The following CDH22 variants were observed in gnomAD, a reference collection of about 807,000 sequenced individuals.
CDH22 encodes cadherin-22.
CDH22 carries 30 observed loss-of-function variants against 58.4 expected under a neutral mutation model. The ratio of observed to expected loss-of-function variants is 0.51; its 90% CI spans 0.38 to 0.70. CDH22 has a LOEUF of 0.70. Ranked by LOEUF, CDH22 falls within the 30% of genes least tolerant of loss-of-function variation. CDH22 has a pLI of 0.00. For synonymous variants in CDH22, 513 were observed against 558.2 expected, an observed-to-expected ratio of 0.92 and a Z score of 1.14; for missense variants, 1,014 against 1,233.9, an observed-to-expected ratio of 0.82 and a Z score of 2.67.
At chr20:46,220,631 C>G (rs1416872236) in intron 4 of CDH22, 1 of 152,396 alleles carries the variant, frequency 6.6e-6, no homozygotes, top group Non-Finnish European at 1.5e-5. Flanking sequence ...AGTGTCCCAG[C>G]TCTGAGTGGG....
chr20:46,240,974 A>G lies in CDH22; in HGVS notation c.539T>C (p.Leu180Pro), dbSNP rs2086285298. The G allele has an allele frequency of 6.2e-7, 1 of 1,611,626 alleles. No individual in the cohort carries two copies. Among genetic ancestry groups the G allele is most frequent in the African/African-American group, 1.3e-5 (1 of 74,840 alleles). ...HGPYIGSVAE[L>P]SPTGTSVMQV... ...GGCCCACAGCCCACCTGTAGGTGAGAGCTCGGCCACGCTGCCAATATAGGG... is the reference window on the plus strand; with the variant it reads ...GGCCCACAGCCCACCTGTAGGTGAGGGCTCGGCCACGCTGCCAATATAGGG... The change falls in exon 3 of 12, where the codon CTC becomes CCC. Residue 180 changes from leucine (L) to proline (P), a missense_variant. This residue lies in a region of CDH22 where 806 missense variants were observed against 1,038.7 expected (regional missense o/e 0.78). Transcript: ENST00000537909.
intron 1 of CDH22, among the ~76,000 whole-genome samples, chr20:46,258,499 G>A (rs554799921): frequency 1.3e-5 from 2 of 152,298 alleles, no homozygotes; most frequent in South Asian, 2.1e-4. Context: ...AGACTGTGAC[G>A]GAGCCAACAC....
At position 46,233,962 on chromosome 20, in the gene CDH22, C is replaced by T. The variant is rs146005614; in HGVS notation, c.551-6335G>A. Reference sequence around the variant, plus strand: ...CTTGGGCCTGCGGGCTGCTGAGCTACACTCTCTCCAGCTACAGACGGGACA... The same window carrying T: ...CTTGGGCCTGCGGGCTGCTGAGCTATACTCTCTCCAGCTACAGACGGGACA... On this transcript the variant is annotated intron_variant, in intron 3 of 11. Transcript: ENST00000537909. 2.7e-4 allele frequency among the ~76,000 whole-genome samples: 41 copies of T among 152,378 alleles called. No homozygotes were observed. In the East Asian group the frequency reaches 6.9e-3, roughly 26 times the overall value.
intron 1 of CDH22, among the ~76,000 whole-genome samples, chr20:46,256,265 GGA>G (rs1354239958): frequency 6.6e-6 from 1 of 152,226 alleles, no homozygotes; most frequent in East Asian, 1.9e-4. Context: ...CAAGTGCAGT[GGA>G]GAGAGCAAAG....
intron 3 of CDH22, among the ~76,000 whole-genome samples, chr20:46,237,722 A>C (rs1180281830): frequency 6.6e-6 from 1 of 152,110 alleles, no homozygotes; most frequent in Non-Finnish European, 1.5e-5. Context: ...CTGGGTCTCC[A>C]TAGGCCAGTG....
chr20:46,223,549 C>A (rs929520938), intron 4 of CDH22, among the ~76,000 whole-genome samples: 2 of 152,156 alleles, frequency 1.3e-5, no homozygotes, highest in African/African-American at 4.8e-5. Context: ...TGGCTCATAC[C>A]TTCACTGCAC....
intron 3 of CDH22, among the ~76,000 whole-genome samples, chr20:46,229,385 G>A (rs542081356): frequency 3.3e-5 from 5 of 151,656 alleles, no homozygotes; most frequent in South Asian, 2.1e-4. Flanking sequence ...ATTTGAACCC[G>A]GGACTCTGGG....
At chr20:46,283,490 C>A (rs1035767571) in intron 1 of CDH22, among the ~76,000 whole-genome samples, 25 of 152,166 alleles carry the variant, frequency 1.6e-4, no homozygotes, top group Non-Finnish European at 2.9e-5. Flanking sequence ...TCCATGGAAG[C>A]TGGATATTGC....
At chr20:46,183,152 T>C (rs914978096) in intron 10 of CDH22, among the ~76,000 whole-genome samples, 1 of 152,178 alleles carries the variant, frequency 6.6e-6, no homozygotes, top group African/African-American at 2.4e-5. Flanking sequence ...ACTGGACTAA[T>C]GAATAGGCAG....
intron 1 of CDH22, among the ~76,000 whole-genome samples, chr20:46,289,949 T>C (rs2086593393): frequency 6.6e-6 from 1 of 152,202 alleles, no homozygotes; most frequent in African/African-American, 2.4e-5. Flanking sequence ...AAACTAAAGT[T>C]TTAGAACAGG....
intron 1 of CDH22, among the ~76,000 whole-genome samples, chr20:46,299,788 G>A (rs1052373194): frequency 6.6e-6 from 1 of 152,208 alleles, no homozygotes; most frequent in Non-Finnish European, 1.5e-5. Flanking sequence ...AACTGAGGCA[G>A]AAGTTCACTC....
chr20:46,305,398 G>A (rs1219573405), intron 1 of CDH22, among the ~76,000 whole-genome samples: 3 of 152,190 alleles, frequency 2.0e-5, no homozygotes, highest in East Asian at 1.9e-4. Flanking sequence ...TCTTGCGGGG[G>A]GCATGAGGCT....
At chr20:46,277,667 G>A (rs191351220) in intron 1 of CDH22, among the ~76,000 whole-genome samples, 111 of 151,978 alleles carry the variant, frequency 7.3e-4, no homozygotes, top group African/African-American at 2.5e-3. Flanking sequence ...AGGAGGGCCC[G>A]CCCCCCACTG....
At chr20:46,223,666 C>CTCTTTCTTTTTCTTTCT (rs2086144029) in intron 4 of CDH22, among the ~76,000 whole-genome samples, 1 of 115,524 alleles carries the variant, frequency 8.7e-6, no homozygotes, top group Admixed American at 9.2e-5. Context: ...TTTTTCTTTC[C>CTCTTTCTTTTTCTTTCT]TTCTTTCTTT....
rs767767676 is a variant in CDH22 at position 46,199,387 on chromosome 20, T to C, written c.1423+36A>G. 13 of 1,595,550 alleles carry C rather than the reference T, an allele frequency of 8.1e-6. No homozygotes were observed. In the East Asian group the frequency reaches 2.9e-4, roughly 36 times the overall value. The stretch of plus-strand genomic sequence containing the variant: ...CTTCAGCTTTTGCTCCTGGGCCCCA[T>C]ATTTGCCCTTGGAGGGGGCGTGGCG... On this transcript the variant is annotated intron_variant, in intron 8 of 11. Transcript: ENST00000537909.
Position 46,212,843 on chromosome 20 carries a change from T to C in CDH22, c.1032+152A>G. The C allele has an allele frequency of 4.7e-6, 3 of 640,592 alleles. No individual in the cohort carries two copies. The South Asian group carries it at 5.7e-5, about 12-fold the overall frequency. 39.7% of individuals were successfully genotyped at this position (640,592 alleles called of 1,614,324 possible). A position where few individuals can be genotyped will look rare whatever the true frequency, so the allele number is the denominator to read the frequency against. ...TGCCTGGTTTGCAAAAGGGGAATGATACCATCAGTGTTTTTCCAGGTTGGT... is the reference window on the plus strand; with the variant it reads ...TGCCTGGTTTGCAAAAGGGGAATGACACCATCAGTGTTTTTCCAGGTTGGT... On this transcript the variant is annotated intron_variant, in intron 6 of 11. Coordinates refer to ENST00000537909, the MANE Select transcript of CDH22 (RefSeq NM_021248.3).
At chr20:46,205,008 G>A (rs910883681) in intron 7 of CDH22, among the ~76,000 whole-genome samples, 19 of 152,144 alleles carry the variant, frequency 1.2e-4, no homozygotes, top group East Asian at 3.9e-4. Context: ...CAAGCTGCTC[G>A]TGTGTGTGTG....
intron 2 of CDH22, among the ~76,000 whole-genome samples, chr20:46,249,000 T>TA (rs2086351107): frequency 6.6e-6 from 1 of 152,274 alleles, no homozygotes; most frequent in South Asian, 2.1e-4. Context: ...ATGGGAATAA[T>TA]AAAAAACAGC....
intron 3 of CDH22, among the ~76,000 whole-genome samples, chr20:46,229,965 C>G (rs909009687): frequency 5.3e-5 from 8 of 152,242 alleles, no homozygotes; most frequent in African/African-American, 1.9e-4. Context: ...GATGATGGAA[C>G]CATTTCCCCA....
Sources: allele counts gnomAD v4.1 joint callset (sites outside exome capture counted in the v4.1 genomes callset), GRCh38; gene constraint gnomAD v4.1.1; regional missense constraint gnomAD v4.1.1; transcripts MANE v1.5; gene names NCBI Gene and HGNC (gene_info 2026-07-23, HGNC 2026-07-21).